Variants in CNTN5 observed in about 807,000 individuals in gnomAD.
CNTN5 encodes contactin 5, also known as contactin-5.
Under a neutral mutation model 129.1 loss-of-function variants are expected in CNTN5, and 77 were observed. That is an observed-to-expected ratio of 0.60 (90% CI 0.50 to 0.72). The LOEUF (loss-of-function observed/expected upper bound fraction) is 0.72. Ranked by LOEUF, CNTN5 falls within the 30% of genes least tolerant of loss-of-function variation. CNTN5 has a pLI of 0.00. For missense variants in CNTN5, 1,478 were observed against 1,328.8 expected (o/e 1.11, Z -1.75); for synonymous variants, 509 against 465.6 (o/e 1.09, Z -1.20).
In CNTN5 at chr11:99,766,561, A is replaced by G. The variant is rs192341421; in HGVS notation, c.56-52983A>G. 1.5e-3 allele frequency among the ~76,000 whole-genome samples: 226 copies of G among 152,176 alleles called. 2 individuals are homozygous for G. Among genetic ancestry groups the G allele is most frequent in the Middle Eastern group, 6.8e-3 (2 of 294 alleles). On this transcript the variant is annotated intron_variant, in intron 3 of 24. Coordinates refer to ENST00000524871, the MANE Select transcript of CNTN5 (RefSeq NM_014361.4). ...AAGTTCTAAAAGACTACCCCTTATC[A>G]AAAGAGAATATAGGTTGAGTTACTT...
chr11:100,121,788 G>T (rs1946032505), intron 13 of CNTN5, among the ~76,000 whole-genome samples: 1 of 151,896 alleles, frequency 6.6e-6, no homozygotes, highest in Admixed American at 6.6e-5. Flanking sequence ...GGAGAAAACA[G>T]TCAAAAATCA....
chr11:100,186,683 C>T (rs1039445053), intron 13 of CNTN5, among the ~76,000 whole-genome samples: 3 of 152,106 alleles, frequency 2.0e-5, no homozygotes, highest in African/African-American at 7.2e-5. Flanking sequence ...CTCCCAGCCC[C>T]TGAAAACCTT....
intron 1 of CNTN5, among the ~76,000 whole-genome samples, chr11:99,136,191 C>G (rs1267870757): frequency 6.6e-6 from 1 of 152,116 alleles, no homozygotes; most frequent in Non-Finnish European, 1.5e-5. Context: ...TTGTGTCCTT[C>G]TCTCTCACTT....
rs544771310 is a variant in CNTN5 at position 99,731,786 on chromosome 11, G to A, written c.56-87758G>A. Among the ~76,000 whole-genome samples the A allele has an allele frequency of 8.9e-4, 136 of 152,162 alleles. 1 individual carries two copies. The highest frequency in any genetic ancestry group is 3.1e-3 in the African/African-American group (128 of 41,510). On this transcript the variant is annotated intron_variant, in intron 3 of 24. Coordinates refer to ENST00000524871, the MANE Select transcript of CNTN5 (RefSeq NM_014361.4). ...CCTTAGAACTTTCTATACTCCCTTA[G>A]TTACTTAAATATATCTTAAGGGCTA... is the stretch of plus-strand genomic sequence containing the variant.
rs564440487 is a variant in CNTN5 at position 99,849,365 on chromosome 11, T to G, written c.577+4103T>G. Reference sequence around the variant, plus strand: ...CAACATATATATATATATGCATAATTAGTATATATATACACATATGCATAA... The same window carrying G: ...CAACATATATATATATATGCATAATGAGTATATATATACACATATGCATAA... On this transcript the variant is annotated intron_variant, in intron 6 of 24. Coordinates refer to ENST00000524871, the MANE Select transcript of CNTN5 (RefSeq NM_014361.4). Among the ~76,000 whole-genome samples the G allele has an allele frequency of 7.2e-5, 11 of 151,760 alleles. No homozygotes were observed. The South Asian group carries it at 2.3e-3, about 31-fold the overall frequency.
chr11:99,993,164 C>T (rs1327411184), intron 8 of CNTN5, among the ~76,000 whole-genome samples: 2 of 152,080 alleles, frequency 1.3e-5, no homozygotes, highest in Non-Finnish European at 2.9e-5. Flanking sequence ...TGAAATAAAC[C>T]ATGTAGCCAA....
intron 2 of CNTN5, among the ~76,000 whole-genome samples, chr11:99,402,368 A>G (rs6590091): frequency 0.75 from 113,407 of 152,140 alleles, 43,137 homozygotes; most frequent in African/African-American, 0.9. Context: ...CTGATGTATT[A>G]CATTGATTAA....
At chr11:99,233,894 G>A (rs879498205) in intron 1 of CNTN5, among the ~76,000 whole-genome samples, 9 of 152,074 alleles carry the variant, frequency 5.9e-5, no homozygotes, top group East Asian at 1.9e-4. Context: ...TGCAGTGAGC[G>A]GAGATCGCAC....
At chr11:100,233,174 G>C (rs1001416249) in intron 16 of CNTN5, among the ~76,000 whole-genome samples, 2 of 152,064 alleles carry the variant, frequency 1.3e-5, no homozygotes, top group Non-Finnish European at 2.9e-5. Context: ...CATTGATCAT[G>C]ATATCCCCTA....
At position 99,517,296 on chromosome 11, in the gene CNTN5, C is replaced by T. The variant is rs76564738; in HGVS notation, c.-70-38849C>T. Among the ~76,000 whole-genome samples, 3 of 152,002 alleles carry T rather than the reference C, an allele frequency of 2.0e-5. No homozygotes were observed. In the South Asian group the frequency reaches 6.2e-4, roughly 32 times the overall value. On this transcript the variant is annotated intron_variant, in intron 2 of 24. Transcript: ENST00000524871. The stretch of plus-strand genomic sequence containing the variant: ...TATATTTTCTTTATTATTCCCTTAA[C>T]CCTTCATCACCTCTTTCCTGGACTC...
intron 3 of CNTN5, among the ~76,000 whole-genome samples, chr11:99,798,585 G>C (rs1184092493): frequency 6.6e-6 from 1 of 152,066 alleles, no homozygotes; most frequent in Non-Finnish European, 1.5e-5. Context: ...TGGGTATTTG[G>C]TGTTATTTCT....
chr11:99,427,548 T>A (rs1427494296), intron 2 of CNTN5, among the ~76,000 whole-genome samples: 1 of 151,826 alleles, frequency 6.6e-6, no homozygotes, highest in Non-Finnish European at 1.5e-5. Flanking sequence ...GGGCGGATCA[T>A]GAGGTCAGGA....
chr11:99,418,283 A>T (rs1264881898), intron 2 of CNTN5, among the ~76,000 whole-genome samples: 3 of 152,012 alleles, frequency 2.0e-5, no homozygotes, highest in South Asian at 2.1e-4. Flanking sequence ...CAACAACTTT[A>T]AAAAAAAGGT....
At chr11:99,322,837 T>G (rs969956181) in intron 1 of CNTN5, among the ~76,000 whole-genome samples, 4 of 152,194 alleles carry the variant, frequency 2.6e-5, no homozygotes, top group African/African-American at 9.6e-5. Context: ...TACATGGCTT[T>G]TACAATTTTA....
Position 100,061,362 on chromosome 11 carries a change from A to C in CNTN5, c.1131A>C (p.Lys377Asn). The C allele has an allele frequency of 6.3e-7, 1 of 1,599,582 alleles. No individual in the cohort carries two copies. Among genetic ancestry groups the C allele is most frequent in the Non-Finnish European group, 8.6e-7 (1 of 1,168,918 alleles). ...YECRAENSRG[K>N]NSFRGQLQVY... ...GCAGAGCTGAAAACTCACGTGGAAAAAATTCCTTTCGTGGACAATTACAAG... is the reference window on the plus strand; with the variant it reads ...GCAGAGCTGAAAACTCACGTGGAAACAATTCCTTTCGTGGACAATTACAAG... The change falls in exon 10 of 25, where the codon AAA becomes AAC. Residue 377 changes from lysine (K) to asparagine (N), a missense_variant. By Grantham distance (94) the Lys-to-Asn change is moderately conservative. Coordinates refer to ENST00000524871, the MANE Select transcript of CNTN5 (RefSeq NM_014361.4).
At chr11:99,700,789 C>T (rs1450692032) in intron 3 of CNTN5, among the ~76,000 whole-genome samples, 1 of 151,370 alleles carries the variant, frequency 6.6e-6, no homozygotes, top group East Asian at 1.9e-4. Context: ...ATTGTTCATA[C>T]AATGCATGGA....
chr11:100,161,873 A>ACACACACACAC (rs1555025938), intron 13 of CNTN5, among the ~76,000 whole-genome samples: 19 of 120,284 alleles, frequency 1.6e-4, no homozygotes, highest in African/African-American at 5.3e-4. Flanking sequence ...ACACACACAC[A>ACACACACACAC]AAACAAAAAA....
chr11:99,119,106 A>G (rs1174215645), intron 1 of CNTN5, among the ~76,000 whole-genome samples: 1 of 152,134 alleles, frequency 6.6e-6, no homozygotes, highest in African/African-American at 2.4e-5. Context: ...TGTACTGTAA[A>G]TGAAATATCT....
At chr11:99,143,845 A>T (rs1387494259) in intron 1 of CNTN5, among the ~76,000 whole-genome samples, 2 of 152,292 alleles carry the variant, frequency 1.3e-5, no homozygotes, top group South Asian at 2.1e-4. Context: ...GACTTTTGAA[A>T]AGACCTGTTT....
Sources: gnomAD v4.1 joint callset for allele counts (sites outside exome capture counted in the v4.1 genomes callset) on GRCh38, gnomAD v4.1.1 for gene constraint, MANE v1.5 for transcripts, NCBI Gene and HGNC (gene_info 2026-07-23, HGNC 2026-07-21) for gene names.